GINS1: variants seen among roughly 807,000 people sequenced by gnomAD.
GINS1 encodes GINS complex subunit 1, also known as DNA replication complex GINS protein PSF1.
GINS1 carries 26 observed loss-of-function variants against 34.9 expected under a neutral mutation model. The observed-to-expected ratio is 0.74, with a 90% CI of 0.55 to 1.03. GINS1 has a LOEUF of 1.03. Ranked by LOEUF, GINS1 falls within the 50% of genes least tolerant of loss-of-function variation. The pLI, the probability that GINS1 is intolerant of heterozygous loss-of-function variation, is 0.00. For missense variants in GINS1, 235 were observed against 237.9 expected (o/e 0.99, Z 0.08); for synonymous variants, 97 against 84.4 (o/e 1.15, Z -0.82).
intron 5 of GINS1, among the ~76,000 whole-genome samples, chr20:25,439,821 C>A (rs142418680): frequency 6.6e-6 from 1 of 151,746 alleles, no homozygotes; most frequent in Non-Finnish European, 1.5e-5. Context: ...GGTGAAACCC[C>A]GTCCCTACTA....
intron 4 of GINS1, among the ~76,000 whole-genome samples, chr20:25,422,141 A>G (rs1367775053): frequency 6.6e-6 from 1 of 152,150 alleles, no homozygotes; most frequent in Non-Finnish European, 1.5e-5. Context: ...TGTACAGCCC[A>G]ATGATGTGTC....
chr20:25,431,569 TTTTTTC>T (rs1362321947), intron 5 of GINS1, among the ~76,000 whole-genome samples: 6 of 149,570 alleles, frequency 4.0e-5, no homozygotes, highest in Admixed American at 1.3e-4. Flanking sequence ...TCCTTTTTTC[TTTTTTC>T]TTTTTTTTTT....
chr20:25,435,325 G>T (rs144302414), intron 5 of GINS1, among the ~76,000 whole-genome samples: 5 of 152,116 alleles, frequency 3.3e-5, no homozygotes, highest in Non-Finnish European at 4.4e-5. Flanking sequence ...TAGAGACAGG[G>T]TCTCACTGTG....
At chr20:25,444,813 C>T (rs116090420) in intron 6 of GINS1, among the ~76,000 whole-genome samples, 188 of 152,264 alleles carry the variant, frequency 1.2e-3, no homozygotes, top group African/African-American at 4.4e-3. Context: ...ACCTGGGTAC[C>T]GGCATCTTCC....
chr20:25,411,958 T>G (rs1370292795), intron 1 of GINS1, among the ~76,000 whole-genome samples: 1 of 149,940 alleles, frequency 6.7e-6, no homozygotes, highest in Non-Finnish European at 1.5e-5. Flanking sequence ...AAAAAAAAAA[T>G]TAGCTGGGCA....
intron 5 of GINS1, among the ~76,000 whole-genome samples, chr20:25,440,810 C>CAAAAAAA (rs60014594): frequency 1.4e-5 from 1 of 69,088 alleles, no homozygotes; most frequent in Admixed American, 1.8e-4. Flanking sequence ...GACTCTGTCT[C>CAAAAAAA]AAAAAAAAAA....
At chr20:25,414,189 CAAAAAAAA>C (rs58400500) in intron 2 of GINS1, among the ~76,000 whole-genome samples, 1 of 67,656 alleles carries the variant, frequency 1.5e-5, no homozygotes, top group African/African-American at 5.5e-5. Context: ...ACTCTGTCTC[CAAAAAAAA>C]AAAAAAAAAA....
chr20:25,436,344 G>A (rs2090454778), intron 5 of GINS1, among the ~76,000 whole-genome samples: 1 of 152,174 alleles, frequency 6.6e-6, no homozygotes, highest in Non-Finnish European at 1.5e-5. Flanking sequence ...AGTTTGTTGA[G>A]CTTCTTTGAT....
chr20:25,420,109 T>C (rs974890558), intron 4 of GINS1, among the ~76,000 whole-genome samples: 2 of 152,134 alleles, frequency 1.3e-5, no homozygotes, highest in Admixed American at 1.3e-4. Context: ...TTTAATGAAA[T>C]ATAACAATGT....
At chr20:25,440,993 T>G (rs2146223164) in intron 5 of GINS1, among the ~76,000 whole-genome samples, 1 of 152,234 alleles carries the variant, frequency 6.6e-6, no homozygotes, top group East Asian at 1.9e-4. Flanking sequence ...GTTGCTGGCG[T>G]TGACTCTCCT....
In GINS1 at chr20:25,407,817, C is replaced by G. The variant is rs376737818; in HGVS notation, c.-4C>G. 5 of 1,613,122 alleles carry G rather than the reference C, an allele frequency of 3.1e-6. No homozygotes were observed. In the East Asian group the frequency reaches 8.9e-5, roughly 29 times the overall value. ...CAAGGCCGCGGGAGTGGGAAGCGTC[C>G]GCCATGTTCTGCGAAAAAGCCATGG... On this transcript the variant is annotated 5_prime_UTR_variant, in exon 1 of 7. Transcript: ENST00000262460.
At chr20:25,417,262 C>G in intron 3 of GINS1, 60 bp downstream of exon 3, 2 of 792,432 alleles carry the variant, frequency 2.5e-6, no homozygotes, top group Non-Finnish European at 4.5e-6. Flanking sequence ...CCCAGTTGAC[C>G]ATCTCAAATG....
intron 1 of GINS1, among the ~76,000 whole-genome samples, chr20:25,410,414 G>A (rs1312953706): frequency 2.0e-5 from 3 of 152,016 alleles, no homozygotes; most frequent in African/African-American, 7.2e-5. Flanking sequence ...TCTCACTAGT[G>A]CCTTCCACTG....
intron 4 of GINS1, among the ~76,000 whole-genome samples, chr20:25,421,601 TTC>T (rs1204659226): frequency 1.3e-5 from 2 of 152,210 alleles, no homozygotes; most frequent in Non-Finnish European, 2.9e-5. Context: ...TTTCCTAAGT[TTC>T]TGTTTAGAAT....
At position 25,418,037 on chromosome 20, in the gene GINS1, G is replaced by A; in HGVS notation, c.240-68G>A. The A allele has an allele frequency of 4.7e-6, 4 of 849,332 alleles. No individual in the cohort carries two copies. In the South Asian group the frequency reaches 5.3e-5, roughly 11 times the overall value. 52.6% of individuals were successfully genotyped at this position (849,332 alleles called of 1,614,324 possible). On this transcript the variant is annotated intron_variant, in intron 3 of 6. Coordinates refer to ENST00000262460, the MANE Select transcript of GINS1 (RefSeq NM_021067.5). ...TAGAGCTGGTGTGTTTGCATCAGGG[G>A]CCAAATGAAGTCCACACGTGATCCC...
At chr20:25,444,341 T>A (rs1399281345) in intron 6 of GINS1, among the ~76,000 whole-genome samples, 3 of 152,212 alleles carry the variant, frequency 2.0e-5, no homozygotes, top group Non-Finnish European at 4.4e-5. Flanking sequence ...TACATTCTTT[T>A]ATATTTGTCA....
intron 4 of GINS1, among the ~76,000 whole-genome samples, chr20:25,421,415 G>A (rs555302893): frequency 1.3e-5 from 2 of 152,262 alleles, no homozygotes; most frequent in East Asian, 3.9e-4. Context: ...ACCATTGAAA[G>A]AATATGAAAG....
chr20:25,440,576 G>A (rs901864672), intron 5 of GINS1, among the ~76,000 whole-genome samples: 4 of 151,954 alleles, frequency 2.6e-5, no homozygotes, highest in South Asian at 2.1e-4. Flanking sequence ...TTTGGGAAGC[G>A]GGGACAGGCA....
intron 5 of GINS1, among the ~76,000 whole-genome samples, chr20:25,435,257 GA>G (rs1387526002): frequency 3.9e-5 from 6 of 152,134 alleles, no homozygotes; most frequent in African/African-American, 1.4e-4. Context: ...AAATCTTATT[GA>G]GGATCCCAGG....
Sources: allele counts gnomAD v4.1 joint callset (sites outside exome capture counted in the v4.1 genomes callset), GRCh38; gene constraint gnomAD v4.1.1; transcripts MANE v1.5; gene names NCBI Gene and HGNC (gene_info 2026-07-23, HGNC 2026-07-21).